AHCYL1: variants seen among roughly 807,000 people sequenced by gnomAD.
AHCYL1 encodes the protein S-adenosylhomocysteine hydrolase-like protein 1.
A neutral mutation model predicts 79.3 loss-of-function variants in AHCYL1; 20 were observed. The ratio of observed to expected loss-of-function variants is 0.25; its 90% CI spans 0.18 to 0.37. The LOEUF is 0.37. AHCYL1 is among the 10% of genes least tolerant of loss of function. The pLI is 1.00. For synonymous variants in AHCYL1, 223 were observed against 242.2 expected, an observed-to-expected ratio of 0.92 and a Z score of 0.74; for missense variants, 330 against 673.6, an observed-to-expected ratio of 0.49 and a Z score of 5.65.
chr1:110,006,928 G>C (rs915477003), intron 1 of AHCYL1, among the ~76,000 whole-genome samples: 1 of 152,224 alleles, frequency 6.6e-6, no homozygotes, highest in Non-Finnish European at 1.5e-5. Context: ...TTATTTGAGA[G>C]ATGGGGAGGT....
chr1:109,995,502 G>A (rs1244538740), intron 1 of AHCYL1: 1 of 190,544 alleles, frequency 5.2e-6, no homozygotes, highest in South Asian at 1.8e-4. Flanking sequence ...AACAGATGGA[G>A]TTGGCATTAA....
intron 2 of AHCYL1, among the ~76,000 whole-genome samples, chr1:110,009,591 T>C (rs1650889891): frequency 6.6e-6 from 1 of 152,250 alleles, no homozygotes; most frequent in Admixed American, 6.5e-5. Context: ...ATTAGTATTT[T>C]GGCTTCTCTT....
Position 110,022,618 on chromosome 1 carries a change from T to G in AHCYL1, c.*938T>G, listed in dbSNP as rs888624738. 1.3e-5 allele frequency: 2 copies of G among 152,650 alleles called. No individual in the cohort carries two copies. Among genetic ancestry groups the G allele is most frequent in the Non-Finnish European group, 2.9e-5 (2 of 68,046 alleles). The allele number at this position is 152,650 out of a possible 1,614,324, so 9.5% of individuals were successfully genotyped here. On this transcript the variant is annotated 3_prime_UTR_variant, in exon 17 of 17. Coordinates refer to ENST00000369799, the MANE Select transcript of AHCYL1 (RefSeq NM_006621.7). ...CAGCTGTGTACCATACAGCTTGTGC[T>G]GAAGGCGAATTTCTTGAGCCATTAC... is the stretch of plus-strand genomic sequence containing the variant.
At chr1:109,985,320 G>A in intron 1 of AHCYL1, 148 bp downstream of exon 1, 11 of 1,364,512 alleles carry the variant, frequency 8.1e-6, no homozygotes, top group Non-Finnish European at 1.0e-5. Context: ...TGCGGCCCCA[G>A]GCCTCTCCCG....
intron 1 of AHCYL1, among the ~76,000 whole-genome samples, chr1:110,008,554 G>A (rs1218061494): frequency 6.6e-6 from 1 of 150,534 alleles, no homozygotes; most frequent in African/African-American, 2.5e-5. Context: ...CCATTTCTAG[G>A]CATCTCTTCA....
At position 110,013,513 on chromosome 1, in the gene AHCYL1, C is replaced by T. The variant is rs576658646; in HGVS notation, c.580+514C>T. On this transcript the variant is annotated intron_variant, in intron 5 of 16. Coordinates refer to ENST00000369799, the MANE Select transcript of AHCYL1 (RefSeq NM_006621.7). The stretch of plus-strand genomic sequence containing the variant: ...TCACTTGAGGCCAAGAGTTCAAGAA[C>T]GGTCTGGCCAACATGGTGAAACCCC... Among the ~76,000 whole-genome samples the T allele has an allele frequency of 1.9e-3, 290 of 152,178 alleles. 2 individuals are homozygous for T. Among genetic ancestry groups the T allele is most frequent in the African/African-American group, 4.3e-3 (180 of 41,546 alleles).
chr1:109,990,784 C>G (rs59745525), intron 1 of AHCYL1, among the ~76,000 whole-genome samples: 169 of 152,312 alleles, frequency 1.1e-3, no homozygotes, highest in African/African-American at 3.8e-3. Flanking sequence ...TTGTCAGACA[C>G]TGGGCCAGTC....
chr1:109,995,433 C>T (rs947412879), intron 1 of AHCYL1, among the ~76,000 whole-genome samples: 2 of 152,194 alleles, frequency 1.3e-5, no homozygotes, highest in Non-Finnish European at 2.9e-5. Context: ...CTTCCTCAGA[C>T]AGTCTCTTTG....
Position 109,997,921 on chromosome 1 carries a change from T to C in AHCYL1, c.121-11113T>C, listed in dbSNP as rs150148898. On this transcript the variant is annotated intron_variant, in intron 1 of 16. Transcript: ENST00000369799. ...CTGGAAGATAGCTGAATAAGGGCTG[T>C]GTTCAGGCTAAACTTGTATAAACTC... 7.1e-3 allele frequency among the ~76,000 whole-genome samples: 1,085 copies of C among 152,346 alleles called. 10 individuals are homozygous for C. The highest frequency in any genetic ancestry group is 0.016 in the African/African-American group (660 of 41,574).
chr1:110,011,156 G>T, intron 2 of AHCYL1, 58 bp from the exon 3 acceptor site: 1 of 1,601,476 alleles, frequency 6.2e-7, no homozygotes, highest in Admixed American at 1.7e-5. Flanking sequence ...ACTGCACTCT[G>T]TAGAGTTGGG....
chr1:109,987,097 C>G (rs908192565), intron 1 of AHCYL1, among the ~76,000 whole-genome samples: 11 of 152,166 alleles, frequency 7.2e-5, no homozygotes, highest in African/African-American at 2.7e-4. Flanking sequence ...TCTTTCTCTT[C>G]TAAGTTTTAT....
chr1:110,007,649 A>G (rs1650741364), intron 1 of AHCYL1, among the ~76,000 whole-genome samples: 1 of 152,202 alleles, frequency 6.6e-6, no homozygotes, highest in South Asian at 2.1e-4. Context: ...CCATGTTGCC[A>G]GTATTATACA....
chr1:110,014,129 A>G (rs1651254516), intron 5 of AHCYL1, among the ~76,000 whole-genome samples: 1 of 152,152 alleles, frequency 6.6e-6, no homozygotes, highest in Non-Finnish European at 1.5e-5. Flanking sequence ...AGATCCTCAG[A>G]AAGCAACTTT....
chr1:110,019,592 C>G lies in AHCYL1; in HGVS notation c.1431C>G (p.Tyr477Ter). Residue 477 changes from tyrosine to a stop codon, truncating the protein, a stop_gained, in exon 15 of 17, where the codon TAC (tyrosine) becomes TAG (stop). Transcript: ENST00000369799. LOFTEE classifies it high-confidence loss of function. The stretch of plus-strand genomic sequence containing the variant: ...TCTATAATGCACCCGAGGGGCGATA[C>G]AAGCAGGATGTGTACTTGCTTCCTA... Reference protein sequence around the residue: ...IELYNAPEGRYKQDVYLLPKK... With the variant: ...IELYNAPEGR The G allele has an allele frequency of 6.2e-7, 1 of 1,613,496 alleles. No individual in the cohort carries two copies.
chr1:110,004,585 G>A, intron 1 of AHCYL1: 1 of 787,150 alleles, frequency 1.3e-6, no homozygotes, highest in Non-Finnish European at 1.5e-6. Context: ...ATTGATAACT[G>A]TTTCTTTGGG....
At chr1:110,005,269 A>G (rs1313247849) in intron 1 of AHCYL1, among the ~76,000 whole-genome samples, 1 of 152,228 alleles carries the variant, frequency 6.6e-6, no homozygotes, top group African/African-American at 2.4e-5. Flanking sequence ...CTTAGGAAGA[A>G]ACCTTTTTGA....
intron 1 of AHCYL1, among the ~76,000 whole-genome samples, chr1:109,987,771 T>C (rs12073761): frequency 0.03 from 4,545 of 152,246 alleles, 235 homozygotes; most frequent in African/African-American, 0.1. Flanking sequence ...ATAGGACTTG[T>C]TGGTTTGATT....
At chr1:109,995,327 C>G (rs1250937288) in intron 1 of AHCYL1, among the ~76,000 whole-genome samples, 1 of 152,114 alleles carries the variant, frequency 6.6e-6, no homozygotes, top group East Asian at 1.9e-4. Flanking sequence ...TACTCCGCAG[C>G]GAGGGGATTA....
Position 110,002,405 on chromosome 1 carries a change from G to T in AHCYL1, c.121-6629G>T, listed in dbSNP as rs373212030. On this transcript the variant is annotated intron_variant, in intron 1 of 16. Coordinates refer to ENST00000369799, the MANE Select transcript of AHCYL1 (RefSeq NM_006621.7). ...AGGACAGAAGAGCCAGCTTGAAGGA[G>T]GCTCCCACTGGCCCAATTTGAGACA... Among the ~76,000 whole-genome samples the T allele has an allele frequency of 3.3e-5, 5 of 152,334 alleles. No individual in the cohort carries two copies. In the East Asian group the frequency reaches 7.7e-4, roughly 23 times the overall value.
Sources: allele counts gnomAD v4.1 joint callset (sites outside exome capture counted in the v4.1 genomes callset), GRCh38; gene constraint gnomAD v4.1.1; transcripts MANE v1.5; gene names NCBI Gene and HGNC (gene_info 2026-07-23, HGNC 2026-07-21).